The following EEA1 variants were observed in gnomAD, a reference collection of about 807,000 sequenced individuals.
EEA1 encodes the protein early endosome antigen 1, 162kD.
A neutral mutation model predicts 209.2 loss-of-function variants in EEA1; 111 were observed. That is an observed-to-expected ratio of 0.53 (90% CI 0.45 to 0.62). The LOEUF (loss-of-function observed/expected upper bound fraction) is 0.62. EEA1 is among the 20% of genes least tolerant of loss of function. The pLI is 0.00. For missense variants in EEA1, 1,343 were observed against 1,530.8 expected (o/e 0.88, Z 2.05); for synonymous variants, 536 against 540.6 (o/e 0.99, Z 0.12).
At chr12:92,783,924 AAAAG>A (rs1477920426) in intron 22 of EEA1, among the ~76,000 whole-genome samples, 3 of 152,152 alleles carry the variant, frequency 2.0e-5, no homozygotes, top group Admixed American at 6.5e-5. Context: ...AGTAAAAAAA[AAAAG>A]AAAGATGAAA....
chr12:92,883,918 C>T (rs1879274023), intron 2 of EEA1: 2 of 1,567,052 alleles, frequency 1.3e-6, no homozygotes, highest in African/African-American at 2.7e-5. Flanking sequence ...AATGAGAGAT[C>T]CAAACACAGA....
chr12:92,844,993 A>T (rs1185081298), intron 9 of EEA1, among the ~76,000 whole-genome samples: 1 of 152,112 alleles, frequency 6.6e-6, no homozygotes, highest in African/African-American at 2.4e-5. Context: ...AAATAAGGAA[A>T]ATGTAAAGCA....
chr12:92,924,921 T>C (rs949742313), intron 1 of EEA1, among the ~76,000 whole-genome samples: 2 of 141,294 alleles, frequency 1.4e-5, no homozygotes, highest in East Asian at 4.4e-4. Context: ...TTCACTTCAA[T>C]AAATTAGCAA....
At chr12:92,787,833 C>A in intron 22 of EEA1, 34 bp downstream of exon 22, 1 of 1,417,882 alleles carries the variant, frequency 7.1e-7, no homozygotes, top group Non-Finnish European at 9.3e-7. Context: ...ATAAAACTTA[C>A]TGAGACTTTA....
Position 92,852,214 on chromosome 12 carries a change from G to C in EEA1, c.603C>G (p.Asn201Lys). Residue 201 changes from asparagine to lysine, a missense_variant, in exon 8 of 29, where the codon AAC becomes AAG. Physicochemically the swap from Asn to Lys is moderately conservative, Grantham distance 94. Around this residue, in one of 3 missense-constraint regions of EEA1, gnomAD observed 1,307 missense variants for 1,465.5 expected, o/e 0.89. Coordinates refer to ENST00000322349, the MANE Select transcript of EEA1 (RefSeq NM_003566.4). ...GATCTTGAATTACAGTTGCCTCTTT[G>C]TTTAATTCTTCTGTCAGACGTGTCA... Reference protein sequence around the residue: ...QKVTRLTEELNKEATVIQDLK... With the variant: ...QKVTRLTEELKKEATVIQDLK... 1 of 1,592,964 alleles carries C rather than the reference G, an allele frequency of 6.3e-7. No individual in the cohort carries two copies. The highest frequency in any genetic ancestry group is 8.5e-7 in the Non-Finnish European group (1 of 1,170,726).
rs779193363 is a variant in EEA1 at position 92,798,876 on chromosome 12, A to T, written c.2967+16T>A. ...AAGTTTTTCTTCCTATAAAAAGTAAACAAATATATCACTACCTTCTGTAAA... is the reference window on the plus strand; with the variant it reads ...AAGTTTTTCTTCCTATAAAAAGTAATCAAATATATCACTACCTTCTGTAAA... On this transcript the variant is annotated intron_variant, in intron 21 of 28. Coordinates refer to ENST00000322349, the MANE Select transcript of EEA1 (RefSeq NM_003566.4). 1 of 1,521,444 alleles carries T rather than the reference A, an allele frequency of 6.6e-7. No individual in the cohort carries two copies. The highest frequency in any genetic ancestry group is 8.8e-7 in the Non-Finnish European group (1 of 1,139,838). 94.2% of individuals were successfully genotyped at this position (1,521,444 alleles called of 1,614,324 possible).
chr12:92,806,430 T>C (rs1444879248), intron 18 of EEA1, among the ~76,000 whole-genome samples: 1 of 151,672 alleles, frequency 6.6e-6, no homozygotes, highest in African/African-American at 2.4e-5. Flanking sequence ...CAAAACTGAC[T>C]CAAGAAAAAA....
At chr12:92,904,646 C>T (rs1328892158) in intron 1 of EEA1, among the ~76,000 whole-genome samples, 1 of 152,216 alleles carries the variant, frequency 6.6e-6, no homozygotes, top group Non-Finnish European at 1.5e-5. Context: ...ACCCTCACAA[C>T]TCCCCTCCTC....
chr12:92,923,211 G>A (rs1042041056), intron 1 of EEA1, among the ~76,000 whole-genome samples: 5 of 151,828 alleles, frequency 3.3e-5, no homozygotes, highest in East Asian at 3.9e-4. Flanking sequence ...AGCCAGGCAC[G>A]GTGGTGGGCG....
intron 6 of EEA1, 52 bp downstream of exon 6, chr12:92,853,863 C>T: frequency 6.5e-7 from 1 of 1,531,634 alleles, no homozygotes. Context: ...GAAAGGAAAA[C>T]AAATAAGAAG....
intron 1 of EEA1, among the ~76,000 whole-genome samples, chr12:92,899,090 C>T (rs1051649779): frequency 6.8e-6 from 1 of 147,142 alleles, no homozygotes; most frequent in East Asian, 2.0e-4. Context: ...CAATAAAGTA[C>T]TAAAGATGAA....
At chr12:92,807,006 T>C (rs1875243596) in intron 18 of EEA1, among the ~76,000 whole-genome samples, 1 of 151,772 alleles carries the variant, frequency 6.6e-6, no homozygotes, top group East Asian at 1.9e-4. Flanking sequence ...GGCACTGGAG[T>C]GCAGTGGCAT....
chr12:92,850,120 C>T (rs1395949129), intron 9 of EEA1, among the ~76,000 whole-genome samples: 4 of 151,998 alleles, frequency 2.6e-5, no homozygotes, highest in Non-Finnish European at 5.9e-5. Context: ...AGAAATACTC[C>T]GAATAAATAT....
In EEA1 at chr12:92,816,370, G is replaced by T. The variant is rs1172307888; in HGVS notation, c.1759C>A (p.Gln587Lys). The T allele has an allele frequency of 3.7e-6, 6 of 1,613,682 alleles. No individual in the cohort carries two copies. The highest frequency in any genetic ancestry group is 5.1e-6 in the Non-Finnish European group (6 of 1,179,770). ...TGGGCTTGTTTATGACTTTCTGACTGATTCTTCAGCTTCTCTGTTAGTTGA... is the reference window on the plus strand; with the variant it reads ...TGGGCTTGTTTATGACTTTCTGACTTATTCTTCAGCTTCTCTGTTAGTTGA... Reference protein sequence around the residue: ...VTQLTEKLKNQSESHKQAQEN... With the variant: ...VTQLTEKLKNKSESHKQAQEN... The change falls in exon 15 of 29, where the codon CAG becomes AAG. Residue 587 changes from glutamine (Q) to lysine (K), a missense_variant. Physicochemically the swap from Gln to Lys is moderately conservative, Grantham distance 53. Around this residue, in one of 3 missense-constraint regions of EEA1, gnomAD observed 1,307 missense variants for 1,465.5 expected, o/e 0.89. Coordinates refer to ENST00000322349, the MANE Select transcript of EEA1 (RefSeq NM_003566.4).
intron 9 of EEA1, among the ~76,000 whole-genome samples, chr12:92,844,242 G>T (rs887691485): frequency 6.6e-6 from 1 of 152,010 alleles, no homozygotes; most frequent in African/African-American, 2.4e-5. Flanking sequence ...AGTTTTTTTA[G>T]TGTGTTCCAG....
At chr12:92,873,753 A>G (rs999969119) in intron 2 of EEA1, among the ~76,000 whole-genome samples, 7 of 152,210 alleles carry the variant, frequency 4.6e-5, no homozygotes, top group Admixed American at 1.3e-4. Context: ...TGGAATAACA[A>G]TAACACCTAC....
Position 92,801,614 on chromosome 12 carries a change from C to A in EEA1, c.2758G>T (p.Glu920Ter). The change falls in exon 20 of 29, where the codon GAA becomes TAA. Residue 920 changes from glutamate (E) to a stop codon, truncating the protein, a stop_gained. Transcript: ENST00000322349. LOFTEE classifies it high-confidence loss of function. ...AAAAATCTTACCTCCTTCTCTTTTT[C>A]AAGTGACTTTTTCAGTTCCTTCTGT... is the stretch of plus-strand genomic sequence containing the variant. ...KEQKELKKSL[E>*]KEKEASHQLK... 1.3e-6 allele frequency: 2 copies of A among 1,583,010 alleles called. No individual in the cohort carries two copies. The highest frequency in any genetic ancestry group is 1.2e-5 in the South Asian group (1 of 83,412).
chr12:92,786,551 G>T (rs1181553665), intron 22 of EEA1, among the ~76,000 whole-genome samples: 2 of 151,892 alleles, frequency 1.3e-5, no homozygotes, highest in Non-Finnish European at 2.9e-5. Flanking sequence ...GCCAGGTATG[G>T]GTTCAGTCCT....
At position 92,819,410 on chromosome 12, in the gene EEA1, T is replaced by C. The variant is rs774778835; in HGVS notation, c.1626A>G (p.Leu542=). ...CATAAAGATCTTCTCTTTCTTTTTCTAGTAATGAAATATTTTCTTTACTCT... is the reference window on the plus strand; with the variant it reads ...CATAAAGATCTTCTCTTTCTTTTTCCAGTAATGAAATATTTTCTTTACTCT... The part of the protein sequence containing the change: ...LQKSKENISL[L]EKEREDLYAK... Residue 542 remains leucine, a synonymous_variant, in exon 14 of 29, where the codon CTA becomes CTG. Transcript: ENST00000322349. The C allele has an allele frequency of 6.2e-7, 1 of 1,612,808 alleles. No homozygotes were observed. Among genetic ancestry groups the C allele is most frequent in the South Asian group, 1.1e-5 (1 of 90,902 alleles).
Sources: gnomAD v4.1 joint callset for allele counts (sites outside exome capture counted in the v4.1 genomes callset) on GRCh38, gnomAD v4.1.1 for gene constraint, gnomAD v4.1.1 regional missense constraint, MANE v1.5 for transcripts, NCBI Gene and HGNC (gene_info 2026-07-23, HGNC 2026-07-21) for gene names.